ATP10B: variants seen among roughly 807,000 people sequenced by gnomAD.
ATP10B encodes phospholipid-transporting ATPase VB.
A neutral mutation model predicts 141.2 loss-of-function variants in ATP10B; 122 were observed. The observed-to-expected ratio is 0.86, with a 90% confidence interval of 0.75 to 1.00. ATP10B has a LOEUF of 1.00. Ranked by LOEUF, ATP10B falls within the 50% of genes least tolerant of loss-of-function variation. The pLI, the probability that ATP10B is intolerant of heterozygous loss-of-function variation, is 0.00. For missense variants in ATP10B, 1,876 were observed against 1,825.3 expected (o/e 1.03, Z -0.51); for synonymous variants, 685 against 692.0 (o/e 0.99, Z 0.16).
chr5:160,853,071 C>G (rs914618185), upstream of ATP10B, among the ~76,000 whole-genome samples: 1 of 152,072 alleles, frequency 6.6e-6, no homozygotes, highest in African/African-American at 2.4e-5. Flanking sequence ...GAAACATGGA[C>G]ATAGGAAACA....
intron 2 of ATP10B, among the ~76,000 whole-genome samples, chr5:160,740,312 A>G (rs1042964551): frequency 6.6e-5 from 10 of 152,230 alleles, no homozygotes; most frequent in African/African-American, 2.2e-4. Flanking sequence ...TAATTTTTGC[A>G]TATACTATAA....
rs142299233 is a variant in ATP10B, at chr5:160,646,823, G to A, written c.761+2348C>T. Among the ~76,000 whole-genome samples the A allele has an allele frequency of 2.0e-3, 307 of 152,262 alleles. 1 individual carries two copies. The highest frequency in any genetic ancestry group is 6.5e-3 in the African/African-American group (272 of 41,548). On this transcript the variant is annotated intron_variant, in intron 8 of 25. Transcript: ENST00000327245. ...ATCTTATAGCTGTTGTCTATTTAGC[G>A]CTCTTGGTTTACAAGGATGGTCTAT...
At chr5:160,667,719 ACT>A (rs1188523724) in intron 7 of ATP10B, among the ~76,000 whole-genome samples, 6 of 152,114 alleles carry the variant, frequency 3.9e-5, no homozygotes, top group African/African-American at 1.4e-4. Context: ...CTTTTACCTG[ACT>A]CTTCATTCCA....
the ATP10B span, among the ~76,000 whole-genome samples, chr5:160,917,266 C>CTTTT: frequency 1.1e-5 from 1 of 93,564 alleles, no homozygotes; most frequent in African/African-American, 5.7e-5. Context: ...TTCTAGGGTA[C>CTTTT]TTCTTTTTTT....
chr5:160,818,059 T>A (rs1004793503), intron 1 of ATP10B, among the ~76,000 whole-genome samples: 1 of 152,116 alleles, frequency 6.6e-6, no homozygotes, highest in Non-Finnish European at 1.5e-5. Context: ...GAAGAAAACC[T>A]AGGCAATACC....
chr5:160,815,538 G>C (rs1322528224), intron 1 of ATP10B, among the ~76,000 whole-genome samples: 1 of 151,020 alleles, frequency 6.6e-6, no homozygotes, highest in African/African-American at 2.4e-5. Context: ...GACCTACAAA[G>C]AGACTTAGAC....
chr5:160,821,456 T>C (rs1032624181), intron 1 of ATP10B, among the ~76,000 whole-genome samples: 6 of 152,054 alleles, frequency 3.9e-5, no homozygotes, highest in African/African-American at 1.4e-4. Context: ...AATCTACACA[T>C]TCAGTGGAAC....
At chr5:160,889,148 C>G in the ATP10B span, among the ~76,000 whole-genome samples, 1 of 152,176 alleles carries the variant, frequency 6.6e-6, no homozygotes, top group African/African-American at 2.4e-5. Context: ...GGGTCCAGGT[C>G]TTTGGACATT....
At chr5:160,817,749 T>C (rs1051047767) in intron 1 of ATP10B, among the ~76,000 whole-genome samples, 66 of 152,160 alleles carry the variant, frequency 4.3e-4, no homozygotes, top group Non-Finnish European at 8.4e-4. Context: ...CTTTAAACTA[T>C]ACTGCAAGGC....
At chr5:160,870,738 C>T in the ATP10B span, among the ~76,000 whole-genome samples, 3 of 145,934 alleles carry the variant, frequency 2.1e-5, no homozygotes, top group East Asian at 6.1e-4. Context: ...AGGAGAAATG[C>T]CAAAAAAAAA....
the ATP10B span, among the ~76,000 whole-genome samples, chr5:160,885,316 C>T: frequency 1.3e-5 from 2 of 152,148 alleles, no homozygotes; most frequent in East Asian, 1.9e-4. Context: ...AAGGCAGCAC[C>T]CTGCATGGCC....
chr5:160,755,398 G>C (rs551253779), intron 2 of ATP10B, among the ~76,000 whole-genome samples: 1 of 152,182 alleles, frequency 6.6e-6, no homozygotes, highest in South Asian at 2.1e-4. Flanking sequence ...TTTCGTTGTC[G>C]TGTGAACATC....
chr5:160,814,760 A>G (rs1278684702), intron 1 of ATP10B, among the ~76,000 whole-genome samples: 1 of 152,186 alleles, frequency 6.6e-6, no homozygotes, highest in Non-Finnish European at 1.5e-5. Flanking sequence ...CCATAAAGGA[A>G]AGCCCATCAG....
rs1289323868 is a variant in ATP10B, at chr5:160,620,620, A to C, written c.2143T>G (p.Phe715Val). The change falls in exon 15 of 26, where the codon TTC (phenylalanine) becomes GTC (valine). Residue 715 changes from phenylalanine to valine, a missense_variant. Transcript: ENST00000327245. The part of the protein sequence containing the change: ...APATDLARPE[F>V]CYEAESPDEA... Reference sequence around the variant, plus strand: ...TCAGGGCTCTCAGCCTCGTAACAGAACTCAGGCCTGGCCAGGTCTGTGGCT... The same window carrying C: ...TCAGGGCTCTCAGCCTCGTAACAGACCTCAGGCCTGGCCAGGTCTGTGGCT... 1.9e-6 allele frequency: 3 copies of C among 1,613,730 alleles called. No individual in the cohort carries two copies. The highest frequency in any genetic ancestry group is 2.5e-6 in the Non-Finnish European group (3 of 1,179,704).
At chr5:160,656,821 G>A (rs1000211010) in intron 7 of ATP10B, among the ~76,000 whole-genome samples, 5 of 152,048 alleles carry the variant, frequency 3.3e-5, no homozygotes, top group East Asian at 3.8e-4. Flanking sequence ...AGATTCTGTC[G>A]ATTGAAGAAA....
At position 160,779,020 on chromosome 5, in the gene ATP10B, C is replaced by T. The variant is rs548933734; in HGVS notation, c.-331+6539G>A. On this transcript the variant is annotated intron_variant, in intron 2 of 25. Transcript: ENST00000327245. ...GAATGAAGTCTGTGCAGCATTGAAG[C>T]AAAGGGAGAATGATCAGAGAATTAC... 5.9e-5 allele frequency among the ~76,000 whole-genome samples: 9 copies of T among 152,218 alleles called. No individual in the cohort carries two copies. In the South Asian group the frequency reaches 1.2e-3, roughly 21 times the overall value.
Position 160,622,441 on chromosome 5 carries a change from T to C in ATP10B, c.1765A>G (p.Ile589Val). ...SIADFFLALT[I>V]CNSVMVSTTT... The stretch of plus-strand genomic sequence containing the variant: ...GTGGACACCATGACAGAGTTGCAGA[T>C]GGTTAAGGCAAGGAAGAAATCAGCA... Residue 589 changes from isoleucine to valine, a missense_variant, in exon 14 of 26, where the codon ATC (isoleucine) becomes GTC (valine). Ile to Val is a conservative substitution (Grantham distance 29, BLOSUM62 3). Transcript: ENST00000327245. 1 of 1,613,966 alleles carries C rather than the reference T, an allele frequency of 6.2e-7. No individual in the cohort carries two copies. The highest frequency in any genetic ancestry group is 8.5e-7 in the Non-Finnish European group (1 of 1,179,970).
chr5:160,807,079 G>A (rs1772828769), intron 1 of ATP10B, among the ~76,000 whole-genome samples: 1 of 152,096 alleles, frequency 6.6e-6, no homozygotes, highest in Non-Finnish European at 1.5e-5. Context: ...GGTAGAAAAC[G>A]ATACATATAC....
intron 2 of ATP10B, among the ~76,000 whole-genome samples, chr5:160,766,692 G>T (rs1488406860): frequency 6.6e-6 from 1 of 151,970 alleles, no homozygotes; most frequent in Non-Finnish European, 1.5e-5. Flanking sequence ...CACCACTAAA[G>T]AACTTAAACA....
Sources: allele counts gnomAD v4.1 joint callset (sites outside exome capture counted in the v4.1 genomes callset), GRCh38; gene constraint gnomAD v4.1.1; transcripts MANE v1.5; gene names NCBI Gene and HGNC (gene_info 2026-07-23, HGNC 2026-07-21).